The following MACROD2 variants were observed in gnomAD, a reference collection of about 807,000 sequenced individuals.
The protein encoded by MACROD2 is mono-ADP ribosylhydrolase 2.
A neutral mutation model predicts 70.4 loss-of-function variants in MACROD2; 36 were observed. That is an observed-to-expected ratio of 0.51 (90% CI 0.39 to 0.68). MACROD2 has a LOEUF of 0.68. MACROD2 is among the 30% of genes least tolerant of loss of function. MACROD2 has a pLI of 0.00. For synonymous variants in MACROD2, 172 were observed against 178.8 expected (o/e 0.96, Z 0.30); for missense variants, 496 against 538.4 (o/e 0.92, Z 0.78).
rs555515852 is a variant in MACROD2 at position 14,360,408 on chromosome 20, G to GT, written c.272-133064dup. Among the ~76,000 whole-genome samples, 174 of 152,148 alleles carry GT rather than the reference G, an allele frequency of 1.1e-3. 2 individuals are homozygous for GT. Among genetic ancestry groups the GT allele is most frequent in the Non-Finnish European group, 2.2e-3 (150 of 67,982 alleles). On this transcript the variant is annotated intron_variant, in intron 3 of 17. Coordinates refer to ENST00000684519, the MANE Select transcript of MACROD2 (RefSeq NM_001351661.2). ...AATTTGTATTTAAAAAACAAGTAATGTTTTTTTAAAGGCAAGAAATGTCTC... is the reference window on the plus strand; with the variant it reads ...AATTTGTATTTAAAAAACAAGTAATGTTTTTTTTAAAGGCAAGAAATGTCTC...
At chr20:15,779,029 C>A (rs1286519121) in intron 8 of MACROD2, among the ~76,000 whole-genome samples, 1 of 151,954 alleles carries the variant, frequency 6.6e-6, no homozygotes, top group African/African-American at 2.4e-5. Context: ...GTGGAAGAAA[C>A]AGCAAGTAGG....
intron 8 of MACROD2, among the ~76,000 whole-genome samples, chr20:15,761,199 C>T (rs116120957): frequency 1.5e-3 from 236 of 152,262 alleles, no homozygotes; most frequent in African/African-American, 5.4e-3. Context: ...GCACGCACCA[C>T]CAGGTCCAGC....
intron 2 of MACROD2, among the ~76,000 whole-genome samples, chr20:14,030,334 A>G (rs1027033304): frequency 6.6e-6 from 1 of 152,078 alleles, no homozygotes; most frequent in Non-Finnish European, 1.5e-5. Flanking sequence ...TACTGTGCCC[A>G]GCCTATACTC....
intron 15 of MACROD2, among the ~76,000 whole-genome samples, chr20:15,998,888 C>T (rs1432422348): frequency 6.6e-6 from 1 of 151,978 alleles, no homozygotes; most frequent in Non-Finnish European, 1.5e-5. Flanking sequence ...CTTTAGTCAG[C>T]TAAAAGTTTG....
intron 5 of MACROD2, among the ~76,000 whole-genome samples, chr20:14,874,588 A>G (rs1216144340): frequency 6.6e-6 from 1 of 151,894 alleles, no homozygotes; most frequent in Non-Finnish European, 1.5e-5. Context: ...GAACTATCAC[A>G]AGGTATAAGC....
intron 6 of MACROD2, among the ~76,000 whole-genome samples, chr20:15,415,544 A>T (rs2046135619): frequency 6.6e-6 from 1 of 152,244 alleles, no homozygotes; most frequent in Non-Finnish European, 1.5e-5. Context: ...AGTAAGTTTT[A>T]TCTGAGATAG....
intron 8 of MACROD2, among the ~76,000 whole-genome samples, chr20:15,763,091 A>G (rs2051462885): frequency 6.6e-6 from 1 of 152,218 alleles, no homozygotes; most frequent in Admixed American, 6.5e-5. Flanking sequence ...GGATGTTTTC[A>G]GACAGTGTAG....
intron 3 of MACROD2, among the ~76,000 whole-genome samples, chr20:14,314,440 A>T (rs1233495528): frequency 1.3e-5 from 2 of 152,178 alleles, no homozygotes; most frequent in Non-Finnish European, 2.9e-5. Flanking sequence ...ATACCAAGAA[A>T]ATGTTTTTTT....
chr20:15,071,840 A>G (rs1407778919), intron 5 of MACROD2, among the ~76,000 whole-genome samples: 7 of 152,286 alleles, frequency 4.6e-5, no homozygotes, highest in East Asian at 1.9e-4. Flanking sequence ...TTTAGGCTCC[A>G]TAAAACATGT....
At chr20:15,292,181 T>C (rs2146108771) in intron 6 of MACROD2, among the ~76,000 whole-genome samples, 1 of 152,288 alleles carries the variant, frequency 6.6e-6, no homozygotes, top group South Asian at 2.1e-4. Context: ...TGGCCTTTTG[T>C]CATATTTCAA....
intron 3 of MACROD2, among the ~76,000 whole-genome samples, chr20:14,334,693 G>A (rs552967848): frequency 3.5e-4 from 54 of 152,142 alleles, no homozygotes; most frequent in East Asian, 1.2e-3. Context: ...GAGGAAAGAC[G>A]GAGGGGAGAA....
intron 2 of MACROD2, among the ~76,000 whole-genome samples, chr20:14,013,431 C>G (rs1425215651): frequency 6.6e-6 from 1 of 151,798 alleles, no homozygotes; most frequent in Non-Finnish European, 1.5e-5. Flanking sequence ...CGCCACCATG[C>G]CCGGCTAATT....
At chr20:14,196,335 T>G (rs2081432336) in intron 3 of MACROD2, among the ~76,000 whole-genome samples, 1 of 152,244 alleles carries the variant, frequency 6.6e-6, no homozygotes, top group Non-Finnish European at 1.5e-5. Context: ...CTTATCACAG[T>G]GTACTGACAT....
intron 3 of MACROD2, among the ~76,000 whole-genome samples, chr20:14,489,492 G>C (rs1175738327): frequency 3.3e-5 from 5 of 152,158 alleles, no homozygotes; most frequent in Non-Finnish European, 5.9e-5. Context: ...TTCAGCTTTT[G>C]TATCTTTGGG....
At chr20:14,521,177 C>T (rs1392969524) in intron 4 of MACROD2, among the ~76,000 whole-genome samples, 3 of 152,162 alleles carry the variant, frequency 2.0e-5, no homozygotes, top group Admixed American at 1.3e-4. Context: ...AAAATGTGCC[C>T]TTCCTCATTC....
At chr20:15,985,658 G>GTC (rs1469550058) in intron 13 of MACROD2, 5 of 152,600 alleles carry the variant, frequency 3.3e-5, no homozygotes, top group African/African-American at 1.2e-4. Context: ...TGTCACTCAG[G>GTC]CTGGCCGGAG....
intron 3 of MACROD2, among the ~76,000 whole-genome samples, chr20:14,202,430 T>C (rs772643744): frequency 2.6e-5 from 4 of 152,244 alleles, no homozygotes; most frequent in Admixed American, 6.5e-5. Context: ...CTACTTTCCT[T>C]CTACTTTAGT....
At chr20:14,032,125 C>T (rs920253003) in intron 2 of MACROD2, among the ~76,000 whole-genome samples, 2 of 151,834 alleles carry the variant, frequency 1.3e-5, no homozygotes, top group African/African-American at 4.8e-5. Flanking sequence ...TTTTTTCTCA[C>T]TTAAAACTAT....
chr20:15,341,630 A>G (rs2078111024), intron 6 of MACROD2, among the ~76,000 whole-genome samples: 1 of 152,236 alleles, frequency 6.6e-6, no homozygotes, highest in Non-Finnish European at 1.5e-5. Context: ...TTCACTTTAC[A>G]AAAATATTTC....
Sources: allele counts gnomAD v4.1 joint callset (sites outside exome capture counted in the v4.1 genomes callset), GRCh38; gene constraint gnomAD v4.1.1; transcripts MANE v1.5; gene names NCBI Gene and HGNC (gene_info 2026-07-23, HGNC 2026-07-21).